The following PDE1C variants were observed in gnomAD, a reference collection of about 807,000 sequenced individuals.
PDE1C encodes the protein phosphodiesterase 1C.
Under a neutral mutation model 93.1 loss-of-function variants are expected in PDE1C, and 62 were observed. The ratio of observed to expected loss-of-function variants is 0.67; its 90% CI spans 0.54 to 0.82. PDE1C has a LOEUF of 0.82. Ranked by LOEUF, PDE1C falls within the 40% of genes least tolerant of loss-of-function variation. The pLI is 0.00. For synonymous variants in PDE1C, 325 were observed against 310.1 expected (o/e 1.05, Z -0.50); for missense variants, 742 against 884.6 (o/e 0.84, Z 2.04).
chr7:32,298,935 G>A (rs1377134384), exon 1 of PDE1C: 1 of 1,335,926 alleles, frequency 7.5e-7, no homozygotes, highest in African/African-American at 1.6e-5. Context: ...TAAAGCGCTA[G>A]GAGCTCGGCG....
chr7:32,078,862 G>A (rs1339166874), intron 3 of PDE1C, among the ~76,000 whole-genome samples: 2 of 151,340 alleles, frequency 1.3e-5, no homozygotes, highest in African/African-American at 4.9e-5. Flanking sequence ...AGGGGTCAAG[G>A]CTGCAATGAG....
chr7:31,899,946 G>C (rs1799770648), intron 2 of PDE1C, among the ~76,000 whole-genome samples: 1 of 152,076 alleles, frequency 6.6e-6, no homozygotes, highest in Non-Finnish European at 1.5e-5. Flanking sequence ...AGGTATGCAG[G>C]GATGCTGCTA....
intron 1 of PDE1C, among the ~76,000 whole-genome samples, chr7:32,276,995 G>A (rs1811330204): frequency 6.6e-6 from 1 of 152,168 alleles, no homozygotes; most frequent in Non-Finnish European, 1.5e-5. Context: ...GCTCATGCCT[G>A]TAATCCCAGC....
intron 2 of PDE1C, among the ~76,000 whole-genome samples, chr7:31,906,488 G>A (rs1800600109): frequency 7.2e-6 from 1 of 139,394 alleles, no homozygotes; most frequent in South Asian, 2.4e-4. Context: ...CCTTTGGGTT[G>A]GTCTTGATAC....
chr7:31,884,439 G>C (rs1366372028), intron 2 of PDE1C, among the ~76,000 whole-genome samples: 1 of 152,120 alleles, frequency 6.6e-6, no homozygotes, highest in East Asian at 1.9e-4. Context: ...AAAAAAACAT[G>C]ACAATAGAAA....
chr7:32,350,586 A>AT (rs1203929860), intron 1 of PDE1C, among the ~76,000 whole-genome samples: 11 of 372 alleles, frequency 0.03, no homozygotes, highest in African/African-American at 0.029. Context: ...ATATATATAT[A>AT]TATATTTTTT....
At chr7:32,380,096 A>C (rs959517598) in intron 1 of PDE1C, among the ~76,000 whole-genome samples, 16 of 152,176 alleles carry the variant, frequency 1.1e-4, no homozygotes, top group Non-Finnish European at 1.6e-4. Context: ...TTCCATCAGA[A>C]AGGAAAACCC....
intron 9 of PDE1C, among the ~76,000 whole-genome samples, chr7:31,846,223 CTTTTTTTTTCTTTTTT>C (rs1040570941): frequency 1.4e-5 from 2 of 142,364 alleles, no homozygotes; most frequent in South Asian, 2.3e-4. Context: ...TTTTACTTTT[CTTTTTTTTTCTTTTTT>C]TTTTTTTTTT....
chr7:31,888,410 G>C (rs1283377208), intron 2 of PDE1C, among the ~76,000 whole-genome samples: 1 of 151,884 alleles, frequency 6.6e-6, no homozygotes, highest in Non-Finnish European at 1.5e-5. Context: ...ACTCACAGCA[G>C]AAATAATTAG....
chr7:32,070,955 G>T, upstream of PDE1C: 4 of 985,522 alleles, frequency 4.1e-6, no homozygotes, highest in Non-Finnish European at 3.6e-6. Context: ...CTGCCTTCGC[G>T]CCCCTCTGTT....
intron 2 of PDE1C, among the ~76,000 whole-genome samples, chr7:31,980,072 C>T (rs1008524820): frequency 6.6e-6 from 1 of 152,192 alleles, no homozygotes; most frequent in Non-Finnish European, 1.5e-5. Flanking sequence ...AAAGGAGGTG[C>T]CCCATGGCTG....
chr7:31,910,396 A>G (rs762675738), intron 2 of PDE1C, among the ~76,000 whole-genome samples: 1 of 152,152 alleles, frequency 6.6e-6, no homozygotes, highest in Non-Finnish European at 1.5e-5. Flanking sequence ...CCAACTGCTG[A>G]ACAATCTTAA....
At chr7:31,746,463 G>T (rs1794009076), downstream of PDE1C, among the ~76,000 whole-genome samples, 1 of 152,182 alleles carries the variant, frequency 6.6e-6, no homozygotes, top group South Asian at 2.1e-4. Context: ...CAAGTCATTA[G>T]GAGTGCAGGT....
At chr7:31,978,324 T>C (rs1811931179) in intron 2 of PDE1C, among the ~76,000 whole-genome samples, 1 of 152,162 alleles carries the variant, frequency 6.6e-6, no homozygotes, top group Non-Finnish European at 1.5e-5. Context: ...GTTTAGAGGA[T>C]GTACATTTTA....
the PDE1C span, chr7:31,707,235 A>G: frequency 6.2e-7 from 1 of 1,614,096 alleles, no homozygotes; most frequent in Non-Finnish European, 8.5e-7. Context: ...AGAGACCCAA[A>G]GCAATCGTGG....
intron 1 of PDE1C, among the ~76,000 whole-genome samples, chr7:32,328,848 G>C (rs1783455827): frequency 6.6e-6 from 1 of 152,200 alleles, no homozygotes; most frequent in Non-Finnish European, 1.5e-5. Context: ...TGGTCCACAA[G>C]GGCAAGGACA....
chr7:32,145,695 T>C (rs959030244), intron 3 of PDE1C, among the ~76,000 whole-genome samples: 2 of 152,202 alleles, frequency 1.3e-5, no homozygotes, highest in Admixed American at 6.5e-5. Context: ...TTGAATTTTA[T>C]AGCCCTTTAC....
chr7:31,628,096 A>T, the PDE1C span, among the ~76,000 whole-genome samples: 1 of 152,220 alleles, frequency 6.6e-6, no homozygotes, highest in East Asian at 1.9e-4. Context: ...TGAAAGTTGG[A>T]GCCTGAGAAG....
the PDE1C span, among the ~76,000 whole-genome samples, chr7:31,681,217 C>T: frequency 6.6e-6 from 1 of 151,474 alleles, no homozygotes; most frequent in African/African-American, 2.4e-5. Flanking sequence ...CAGAATGTGG[C>T]TGTACTTGGC....
Sources: gnomAD v4.1 joint callset for allele counts (sites outside exome capture counted in the v4.1 genomes callset) on GRCh38, gnomAD v4.1.1 for gene constraint, MANE v1.5 for transcripts, NCBI Gene and HGNC (gene_info 2026-07-23, HGNC 2026-07-21) for gene names.